GRIK1: variants seen among roughly 807,000 people sequenced by gnomAD.
The protein encoded by GRIK1 is glutamate receptor ionotropic, kainate 1.
In GRIK1, 69 loss-of-function variants were observed where a neutral mutation model predicts 105.7. The observed-to-expected ratio is 0.65, with a 90% CI of 0.54 to 0.80. The LOEUF (loss-of-function observed/expected upper bound fraction) is 0.80, where lower values mean the gene tolerates loss of function less well. GRIK1 is among the 30% of genes least tolerant of loss of function. The pLI is 0.00. For missense variants in GRIK1, 1,109 were observed against 1,167.3 expected, an observed-to-expected ratio of 0.95 and a Z score of 0.73; for synonymous variants, 438 against 431.3, an observed-to-expected ratio of 1.02 and a Z score of -0.19.
At chr21:29,720,887 T>C (rs2064303432) in intron 1 of GRIK1, among the ~76,000 whole-genome samples, 1 of 152,150 alleles carries the variant, frequency 6.6e-6, no homozygotes. Flanking sequence ...CTTTGATAGA[T>C]ACTCCAAAAG....
intron 1 of GRIK1, among the ~76,000 whole-genome samples, chr21:29,807,249 G>A (rs1306690938): frequency 6.6e-6 from 1 of 152,102 alleles, no homozygotes; most frequent in East Asian, 1.9e-4. Context: ...GATCCTGATG[G>A]CATGCCAACA....
At chr21:29,790,749 T>C (rs1044849341) in intron 1 of GRIK1, among the ~76,000 whole-genome samples, 1 of 152,180 alleles carries the variant, frequency 6.6e-6, no homozygotes, top group Non-Finnish European at 1.5e-5. Flanking sequence ...CACCATGCCC[T>C]GCCTAGTAGA....
intron 1 of GRIK1, among the ~76,000 whole-genome samples, chr21:29,725,071 C>A (rs974150585): frequency 6.6e-6 from 1 of 151,498 alleles, no homozygotes; most frequent in Non-Finnish European, 1.5e-5. Context: ...TTAATTACAC[C>A]TTTTCTGAGA....
intron 1 of GRIK1, among the ~76,000 whole-genome samples, chr21:29,828,884 G>T (rs1172026942): frequency 1.3e-5 from 2 of 152,100 alleles, no homozygotes; most frequent in African/African-American, 2.4e-5. Flanking sequence ...GTTCAGTAAT[G>T]CTGAAAACTT....
At position 29,537,886 on chromosome 21, in the gene GRIK1, T is replaced by C; in HGVS notation, c.2608-2A>G. The stretch of plus-strand genomic sequence containing the variant: ...TCTAATTCTTGATGACTTTCCTTTC[T>C]GATAAAAAAAAAAGAAAAAAAAACA... On this transcript the variant is annotated splice_acceptor_variant, in intron 16 of 17. Coordinates refer to ENST00000327783, the MANE Select transcript of GRIK1 (RefSeq NM_001330994.2). LOFTEE classifies it high-confidence loss of function. The C allele has an allele frequency of 8.2e-7, 1 of 1,214,042 alleles. No individual in the cohort carries two copies. The highest frequency in any genetic ancestry group is 1.2e-6 in the Non-Finnish European group (1 of 839,008). The allele number at this position is 1,214,042 out of a possible 1,614,324, so 75.2% of individuals were successfully genotyped here.
chr21:29,874,596 G>A (rs2069128337), intron 1 of GRIK1, among the ~76,000 whole-genome samples: 1 of 152,262 alleles, frequency 6.6e-6, no homozygotes, highest in Non-Finnish European at 1.5e-5. Flanking sequence ...CCAAGGACCC[G>A]TACTGGTTTA....
Position 29,555,090 on chromosome 21 carries a change from AT to A in GRIK1, c.2568del (p.Glu856AspfsTer29), listed in dbSNP as rs1351221985. On this transcript the variant is annotated frameshift_variant, in exon 16 of 18. Coordinates refer to ENST00000327783, the MANE Select transcript of GRIK1 (RefSeq NM_001330994.2). LOFTEE classifies it high-confidence loss of function. The stretch of plus-strand genomic sequence containing the variant: ...TTATTCTTCCGTGATTTGTATATGA[AT>A]TCTCCAATAGCTACAAATACAGAAA... The part of the protein sequence containing the change: ...LVLSVFVAIG[E>X]FIYKSRKNND... The A allele has an allele frequency of 3.7e-5, 60 of 1,610,366 alleles. No homozygotes were observed. Among genetic ancestry groups the A allele is most frequent in the Non-Finnish European group, 4.9e-5 (58 of 1,176,706 alleles).
chr21:29,770,307 A>C (rs922769667), intron 1 of GRIK1, among the ~76,000 whole-genome samples: 1 of 152,138 alleles, frequency 6.6e-6, no homozygotes, highest in Non-Finnish European at 1.5e-5. Flanking sequence ...AAATGCCCCA[A>C]TCTGCTTCTC....
At chr21:29,612,883 A>G (rs1348289021) in intron 7 of GRIK1, among the ~76,000 whole-genome samples, 1 of 152,228 alleles carries the variant, frequency 6.6e-6, no homozygotes, top group Non-Finnish European at 1.5e-5. Context: ...CACTTTCAGC[A>G]TAACAATAGT....
At position 29,692,964 on chromosome 21, in the gene GRIK1, G is replaced by C. The variant is rs200688204; in HGVS notation, c.286+932C>G. ...AGAATTCTTGCAGGAGGCTGTATCA[G>C]GTGGACACAACCTATGATCTAACTA... On this transcript the variant is annotated intron_variant, in intron 2 of 17. Coordinates refer to ENST00000327783, the MANE Select transcript of GRIK1 (RefSeq NM_001330994.2). Among the ~76,000 whole-genome samples the C allele has an allele frequency of 1.5e-4, 23 of 152,294 alleles. 1 individual carries two copies. The East Asian group carries it at 4.4e-3, about 29-fold the overall frequency.
chr21:29,808,705 A>G (rs1480472868), intron 1 of GRIK1, among the ~76,000 whole-genome samples: 1 of 152,100 alleles, frequency 6.6e-6, no homozygotes, highest in Non-Finnish European at 1.5e-5. Context: ...AATACATACC[A>G]CTTATGCATA....
At chr21:29,861,237 G>A (rs977837939) in intron 1 of GRIK1, among the ~76,000 whole-genome samples, 2 of 152,070 alleles carry the variant, frequency 1.3e-5, no homozygotes, top group African/African-American at 2.4e-5. Context: ...GTCTTTCTTC[G>A]TTCCCAATCT....
intron 1 of GRIK1, among the ~76,000 whole-genome samples, chr21:29,829,013 G>T (rs2067553342): frequency 6.6e-6 from 1 of 152,048 alleles, no homozygotes; most frequent in Non-Finnish European, 1.5e-5. Flanking sequence ...AAAATTTCAG[G>T]GGTCTACTGC....
chr21:29,786,075 ACT>A (rs2066252669), intron 1 of GRIK1, among the ~76,000 whole-genome samples: 1 of 152,018 alleles, frequency 6.6e-6, no homozygotes, highest in South Asian at 2.1e-4. Flanking sequence ...GCAACCTCTG[ACT>A]CTCTGGGTTC....
At chr21:29,932,593 T>C (rs115059016) in intron 1 of GRIK1, among the ~76,000 whole-genome samples, 1,545 of 152,144 alleles carry the variant, frequency 0.01, 14 homozygotes, top group African/African-American at 0.035. Flanking sequence ...AATTTAATTA[T>C]TTTAAATAAA....
At chr21:29,711,301 A>C (rs2146815290) in intron 1 of GRIK1, among the ~76,000 whole-genome samples, 1 of 152,334 alleles carries the variant, frequency 6.6e-6, no homozygotes, top group East Asian at 1.9e-4. Context: ...ATTGTGTTAC[A>C]GTTGCTAAAA....
At chr21:29,700,325 A>G (rs1009527992) in intron 1 of GRIK1, among the ~76,000 whole-genome samples, 3 of 152,228 alleles carry the variant, frequency 2.0e-5, no homozygotes, top group African/African-American at 4.8e-5. Context: ...GTTGTGCCAC[A>G]TAATTCCATC....
chr21:29,641,292 C>G (rs540197093), intron 7 of GRIK1, among the ~76,000 whole-genome samples: 3 of 152,098 alleles, frequency 2.0e-5, no homozygotes, highest in Admixed American at 6.6e-5. Context: ...GGCAAGTCTT[C>G]CCATGCTGTT....
chr21:29,910,151 T>C (rs1372561585), intron 1 of GRIK1, among the ~76,000 whole-genome samples: 3 of 152,168 alleles, frequency 2.0e-5, no homozygotes, highest in Non-Finnish European at 4.4e-5. Context: ...ATATATCCCA[T>C]GAATATATAC....
Sources: gnomAD v4.1 joint callset for allele counts (sites outside exome capture counted in the v4.1 genomes callset) on GRCh38, gnomAD v4.1.1 for gene constraint, MANE v1.5 for transcripts, NCBI Gene and HGNC (gene_info 2026-07-23, HGNC 2026-07-21) for gene names.